The following TEX2 variants were observed in gnomAD, a reference collection of about 807,000 sequenced individuals.
The protein encoded by TEX2 is testis-expressed protein 2.
Under a neutral mutation model 106.9 loss-of-function variants are expected in TEX2, and 53 were observed. That is an observed-to-expected ratio of 0.50 (90% CI 0.40 to 0.62). TEX2 has a LOEUF of 0.62. Ranked by LOEUF, TEX2 falls within the 20% of genes least tolerant of loss-of-function variation. The pLI, the probability that TEX2 is intolerant of heterozygous loss-of-function variation, is 0.00. For synonymous variants in TEX2, 523 were observed against 534.8 expected (o/e 0.98, Z 0.30); for missense variants, 1,207 against 1,379.0 (o/e 0.88, Z 1.98).
intron 1 of TEX2, among the ~76,000 whole-genome samples, chr17:64,257,498 T>C (rs1464778999): frequency 6.6e-6 from 1 of 152,210 alleles, no homozygotes; most frequent in African/African-American, 2.4e-5. Context: ...AAATAAACAA[T>C]TCGCAAGTTT....
intron 1 of TEX2, among the ~76,000 whole-genome samples, chr17:64,223,124 G>A (rs2033406047): frequency 6.6e-6 from 1 of 152,034 alleles, no homozygotes; most frequent in Non-Finnish European, 1.5e-5. Flanking sequence ...AAAAAACAAA[G>A]GCCTCAAACT....
intron 1 of TEX2, among the ~76,000 whole-genome samples, chr17:64,243,808 C>CTTT (rs782115456): frequency 2.2e-5 from 3 of 134,482 alleles, no homozygotes; most frequent in Non-Finnish European, 1.6e-5. Flanking sequence ...TAAAACACCA[C>CTTT]TTTTTTTTTT....
chr17:64,234,976 C>T lies in TEX2; in HGVS notation c.-25-20734G>A, dbSNP rs140694764. ...CCTTTAGGTACTGGGCAGCGCATGACCCAGTCCAGTAAAGTGGCAGGAATT... is the reference window on the plus strand; with the variant it reads ...CCTTTAGGTACTGGGCAGCGCATGATCCAGTCCAGTAAAGTGGCAGGAATT... On this transcript the variant is annotated intron_variant, in intron 1 of 11. Coordinates refer to ENST00000584379, the MANE Select transcript of TEX2 (RefSeq NM_001288732.2). 9.9e-5 allele frequency among the ~76,000 whole-genome samples: 15 copies of T among 152,100 alleles called. 1 individual carries two copies. In the East Asian group the frequency reaches 2.9e-3, roughly 29 times the overall value.
chr17:64,229,487 T>TA (rs1278574113), intron 1 of TEX2, among the ~76,000 whole-genome samples: 1 of 152,116 alleles, frequency 6.6e-6, no homozygotes, highest in Non-Finnish European at 1.5e-5. Flanking sequence ...ACTTGCCTTT[T>TA]AATTGTATGG....
At chr17:64,149,948 G>A (rs2030268147) in intron 11 of TEX2, 1 of 150,800 alleles carries the variant, frequency 6.6e-6, no homozygotes. Context: ...GAAAGAAAAA[G>A]GGAAAAATAA....
chr17:64,211,752 T>C (rs1012207716), intron 2 of TEX2, among the ~76,000 whole-genome samples: 1 of 152,226 alleles, frequency 6.6e-6, no homozygotes, highest in Non-Finnish European at 1.5e-5. Flanking sequence ...TACATAAATG[T>C]GTGTGTGCAT....
At chr17:64,183,304 A>G (rs539330829) in intron 5 of TEX2, among the ~76,000 whole-genome samples, 15 of 152,256 alleles carry the variant, frequency 9.9e-5, no homozygotes, top group Non-Finnish European at 2.1e-4. Context: ...ATATATATTT[A>G]GGAGTGGAAC....
At chr17:64,219,341 A>G (rs1555632988) in intron 1 of TEX2, among the ~76,000 whole-genome samples, 1 of 151,966 alleles carries the variant, frequency 6.6e-6, no homozygotes, top group African/African-American at 2.4e-5. Context: ...CCTCATCTCT[A>G]CTAAAAATAC....
At chr17:64,215,740 A>C (rs782363834) in intron 1 of TEX2, among the ~76,000 whole-genome samples, 4 of 152,340 alleles carry the variant, frequency 2.6e-5, no homozygotes, top group Admixed American at 6.5e-5. Flanking sequence ...ACCCAACACA[A>C]TACGCTTACA....
At chr17:64,240,122 T>C (rs1489252368) in intron 1 of TEX2, among the ~76,000 whole-genome samples, 1 of 152,202 alleles carries the variant, frequency 6.6e-6, no homozygotes, top group South Asian at 2.1e-4. Context: ...ACACTGATTA[T>C]ACAATGTTTA....
rs1027920108 is a variant in TEX2 at position 64,153,397 on chromosome 17, G to A, written c.2931-243C>T. ...ACAATAAAAAATGTTGCCAGACATC[G>A]GCAAATGTCCTCTGGGGGGCCAAAT... On this transcript the variant is annotated intron_variant, in intron 9 of 11. Transcript: ENST00000584379. The surrounding 1 kb of genome is among the most constrained non-coding windows in gnomAD (Gnocchi z 4.1). Among the ~76,000 whole-genome samples the A allele has an allele frequency of 7.1e-6, 1 of 140,560 alleles. No individual in the cohort carries two copies. The highest frequency in any genetic ancestry group is 2.6e-5 in the African/African-American group (1 of 38,088). 92.2% of individuals were successfully genotyped at this position (140,560 alleles called of 152,430 possible).
chr17:64,248,774 C>T (rs1414883334), intron 1 of TEX2, among the ~76,000 whole-genome samples: 3 of 152,300 alleles, frequency 2.0e-5, no homozygotes, highest in African/African-American at 2.4e-5. Flanking sequence ...AGGGCTCACC[C>T]CTGTGATCCC....
rs972442439 is a variant in TEX2, at chr17:64,147,785, T to A, written c.*1184A>T. The A allele has an allele frequency of 2.0e-5, 3 of 152,628 alleles. No individual in the cohort carries two copies. Among genetic ancestry groups the A allele is most frequent in the Non-Finnish European group, 4.4e-5 (3 of 68,038 alleles). 9.5% of individuals were successfully genotyped at this position (152,628 alleles called of 1,614,324 possible). On this transcript the variant is annotated 3_prime_UTR_variant, in exon 12 of 12. Coordinates refer to ENST00000584379, the MANE Select transcript of TEX2 (RefSeq NM_001288732.2). ...AGTCATGTTCAGGCAAGGTGCTGTTTAAAAAACCACTATTAGCTTTGTCCA... is the reference window on the plus strand; with the variant it reads ...AGTCATGTTCAGGCAAGGTGCTGTTAAAAAAACCACTATTAGCTTTGTCCA...
At chr17:64,233,214 C>A (rs565790878) in intron 1 of TEX2, among the ~76,000 whole-genome samples, 76 of 152,242 alleles carry the variant, frequency 5.0e-4, no homozygotes, top group African/African-American at 1.8e-3. Flanking sequence ...GCCCCGGGGC[C>A]CACCCTGGAA....
intron 1 of TEX2, among the ~76,000 whole-genome samples, chr17:64,241,967 T>C (rs2033897249): frequency 1.3e-5 from 2 of 152,174 alleles, no homozygotes; most frequent in Non-Finnish European, 2.9e-5. Flanking sequence ...CTGTCTGACA[T>C]TGCCTACCTG....
At chr17:64,259,843 T>A (rs148211697) in intron 1 of TEX2, among the ~76,000 whole-genome samples, 1 of 152,322 alleles carries the variant, frequency 6.6e-6, no homozygotes, top group Non-Finnish European at 1.5e-5. Context: ...ACACTGTTAT[T>A]TTATGTGCCA....
intron 8 of TEX2, among the ~76,000 whole-genome samples, chr17:64,157,114 A>G (rs750804489): frequency 7.2e-5 from 11 of 152,234 alleles, no homozygotes; most frequent in African/African-American, 1.2e-4. Context: ...CTTAGGAATT[A>G]TAAGTGTAGC....
At position 64,214,048 on chromosome 17, in the gene TEX2, T is replaced by G; in HGVS notation, c.170A>C (p.Glu57Ala). ...AATGCTTTGGTCATCCAGCCCCTCC[T>G]CAAAGTACTCCCTGAACTCCTCCTC... Reference protein sequence around the residue: ...EEEEEFREYFEEGLDDQSIVT... With the variant: ...EEEEEFREYFAEGLDDQSIVT... Residue 57 changes from glutamate to alanine, a missense_variant, in exon 2 of 12, where the codon GAG becomes GCG. Transcript: ENST00000584379. 6.2e-7 allele frequency: 1 copy of G among 1,614,208 alleles called. No homozygotes were observed. The highest frequency in any genetic ancestry group is 1.1e-5 in the South Asian group (1 of 91,084).
At chr17:64,160,123 T>C (rs766723095) in intron 8 of TEX2, among the ~76,000 whole-genome samples, 9 of 152,222 alleles carry the variant, frequency 5.9e-5, no homozygotes, top group Non-Finnish European at 1.2e-4. Flanking sequence ...ATAATTTAAA[T>C]TTATAGTCAA....
Sources: allele counts gnomAD v4.1 joint callset (sites outside exome capture counted in the v4.1 genomes callset), GRCh38; gene constraint gnomAD v4.1.1; non-coding constraint Gnocchi (gnomAD v3.1); transcripts MANE v1.5; gene names NCBI Gene and HGNC (gene_info 2026-07-23, HGNC 2026-07-21).